Variants in TRABD2A observed in about 807,000 individuals in gnomAD.
The protein encoded by TRABD2A is TraB domain containing 2A.
Under a neutral mutation model 45.6 loss-of-function variants are expected in TRABD2A, and 43 were observed. The ratio of observed to expected loss-of-function variants is 0.94; its 90% CI spans 0.74 to 1.22. The LOEUF is 1.22. TRABD2A is among the 50% of genes most tolerant of loss of function. The pLI is 0.00. For missense variants in TRABD2A, 642 were observed against 652.4 expected (o/e 0.98, Z 0.17); for synonymous variants, 269 against 265.0 (o/e 1.02, Z -0.15).
chr2:84,831,259 C>T (rs1681327727), intron 5 of TRABD2A, among the ~76,000 whole-genome samples: 3 of 152,096 alleles, frequency 2.0e-5, no homozygotes, highest in Admixed American at 2.0e-4. Context: ...ACAAAGAGGT[C>T]CCAAGAGAAA....
intron 1 of TRABD2A, chr2:84,874,813 G>A: frequency 9.0e-6 from 2 of 221,052 alleles, no homozygotes; most frequent in South Asian, 7.2e-5. Context: ...GAACAGAGAG[G>A]CCCAGATTGA....
chr2:84,852,371 G>A (rs1200069685), intron 2 of TRABD2A, among the ~76,000 whole-genome samples: 12 of 152,142 alleles, frequency 7.9e-5, no homozygotes, highest in Non-Finnish European at 1.3e-4. Context: ...ATGACCATGC[G>A]GTGGGGGATG....
chr2:84,876,065 ATGGAGAAGGACGGGGG>A (rs1166807532), intron 1 of TRABD2A, among the ~76,000 whole-genome samples: 2 of 152,102 alleles, frequency 1.3e-5, no homozygotes, highest in African/African-American at 2.4e-5. Context: ...ATTAACAGAT[ATGGAGAAGGACGGGGG>A]TGAAACAGGA....
intron 2 of TRABD2A, among the ~76,000 whole-genome samples, chr2:84,864,858 T>C (rs1352903548): frequency 6.6e-6 from 1 of 152,180 alleles, no homozygotes; most frequent in Non-Finnish European, 1.5e-5. Context: ...ATCTGACCCC[T>C]TCCTCCACAG....
intron 2 of TRABD2A, among the ~76,000 whole-genome samples, chr2:84,857,008 G>C (rs1465208381): frequency 1.3e-5 from 2 of 152,166 alleles, no homozygotes; most frequent in Non-Finnish European, 2.9e-5. Flanking sequence ...TGTCTCTCCT[G>C]AGGCTCACAC....
chr2:84,839,705 C>T (rs1485871921), intron 3 of TRABD2A, among the ~76,000 whole-genome samples: 1 of 151,930 alleles, frequency 6.6e-6, no homozygotes, highest in Non-Finnish European at 1.5e-5. Flanking sequence ...TATATAGTTA[C>T]ATATTTTAGA....
At chr2:84,856,087 T>C (rs1052143491) in intron 2 of TRABD2A, among the ~76,000 whole-genome samples, 8 of 152,122 alleles carry the variant, frequency 5.3e-5, no homozygotes, top group Non-Finnish European at 8.8e-5. Flanking sequence ...AGTTGTTGTG[T>C]CTTCTTTTTA....
chr2:84,842,824 T>C (rs946441521), intron 2 of TRABD2A, among the ~76,000 whole-genome samples: 1 of 152,062 alleles, frequency 6.6e-6, no homozygotes, highest in Admixed American at 6.5e-5. Flanking sequence ...GTGGGTCTCC[T>C]TGATGGGGAA....
At chr2:84,828,775 T>C (rs1423997858) in intron 5 of TRABD2A, among the ~76,000 whole-genome samples, 3 of 152,198 alleles carry the variant, frequency 2.0e-5, no homozygotes, top group African/African-American at 7.2e-5. Flanking sequence ...ATTTTGAAAA[T>C]TAGATCCTTG....
chr2:84,864,105 G>T (rs2105402879), intron 2 of TRABD2A, among the ~76,000 whole-genome samples: 1 of 152,070 alleles, frequency 6.6e-6, no homozygotes, highest in East Asian at 1.9e-4. Flanking sequence ...CTGGCAGTTG[G>T]CAGCATTCAG....
Position 84,824,168 on chromosome 2 carries a change from CAG to C in TRABD2A, c.1117_1118del (p.Leu373ValfsTer41). ...KSKKTSTRPTLSTIFAPKVPT... is the reference protein window; with the variant it reads ...KSKKTSTRPTXSTIFAPKVPT... ...GGACTTTTGGAGCAAAGATGGTGGA[CAG>C]AGTGGGCCGTGTGGAGGTCTTTTTA... On this transcript the variant is annotated frameshift_variant, in exon 6 of 7. Transcript: ENST00000409520. LOFTEE classifies it high-confidence loss of function. 6.2e-7 allele frequency: 1 copy of C among 1,613,950 alleles called. No homozygotes were observed. The highest frequency in any genetic ancestry group is 8.5e-7 in the Non-Finnish European group (1 of 1,179,884).
intron 1 of TRABD2A, among the ~76,000 whole-genome samples, chr2:84,873,514 A>G (rs978038947): frequency 1.3e-5 from 2 of 152,216 alleles, no homozygotes; most frequent in Admixed American, 6.5e-5. Flanking sequence ...GCATCCTCTT[A>G]TGCAGTAATA....
intron 4 of TRABD2A, chr2:84,836,939 T>C (rs1681531790): frequency 6.6e-6 from 1 of 152,034 alleles, no homozygotes; most frequent in East Asian, 1.9e-4. Context: ...TGGTGAGATA[T>C]TGTTCTCAAA....
At chr2:84,846,869 G>T (rs1028150355) in intron 2 of TRABD2A, among the ~76,000 whole-genome samples, 5 of 152,242 alleles carry the variant, frequency 3.3e-5, no homozygotes, top group Admixed American at 3.3e-4. Context: ...CTCCCCTGAT[G>T]ACTCAAGGTG....
chr2:84,839,284 G>T lies in TRABD2A; in HGVS notation c.856C>A (p.Arg286Ser), dbSNP rs367984664. ...FINATLPPQERITAQEIDSYL... is the reference protein window; with the variant it reads ...FINATLPPQESITAQEIDSYL... ...CTGTCAATCTCCTGAGCAGTGATGC[G>T]CTCCTGAGGTGGTAGCGTGGCATTA... The change falls in exon 4 of 7, where the codon CGC (arginine) becomes AGC (serine). Residue 286 changes from arginine to serine, a missense_variant. Transcript: ENST00000409520. The T allele has an allele frequency of 6.2e-7, 1 of 1,613,512 alleles. No homozygotes were observed. Among genetic ancestry groups the T allele is most frequent in the Non-Finnish European group, 8.5e-7 (1 of 1,179,730 alleles).
chr2:84,832,819 G>GT (rs1257819048), intron 4 of TRABD2A: 1 of 151,890 alleles, frequency 6.6e-6, no homozygotes, highest in African/African-American at 2.4e-5. Flanking sequence ...AAAAAGGAGG[G>GT]GGGGGAATTC....
intron 3 of TRABD2A, among the ~76,000 whole-genome samples, chr2:84,839,977 ACT>A (rs1448332825): frequency 6.6e-6 from 1 of 151,912 alleles, no homozygotes; most frequent in Non-Finnish European, 1.5e-5. Context: ...TAAGGCTGGC[ACT>A]CTGTGTTTTC....
At chr2:84,880,615 C>G (rs1345785376) in intron 1 of TRABD2A, among the ~76,000 whole-genome samples, 2 of 152,250 alleles carry the variant, frequency 1.3e-5, no homozygotes, top group African/African-American at 2.4e-5. Context: ...GTCCGGTACT[C>G]CCTGGCGGAT....
At chr2:84,824,583 C>T (rs1321260139) in intron 5 of TRABD2A, among the ~76,000 whole-genome samples, 1 of 143,058 alleles carries the variant, frequency 7.0e-6, no homozygotes, top group Non-Finnish European at 1.5e-5. Context: ...TCGGGTTTCC[C>T]TCAGTAGCTC....
Sources: gnomAD v4.1 joint callset for allele counts (sites outside exome capture counted in the v4.1 genomes callset) on GRCh38, gnomAD v4.1.1 for gene constraint, MANE v1.5 for transcripts, NCBI Gene and HGNC (gene_info 2026-07-23, HGNC 2026-07-21) for gene names.